Variants in UST observed in about 807,000 individuals in gnomAD.
UST encodes uronyl 2-sulfotransferase.
Under a neutral mutation model 45.6 loss-of-function variants are expected in UST, and 21 were observed. The observed-to-expected ratio is 0.46, with a 90% CI of 0.33 to 0.66. The LOEUF is 0.66. Ranked by LOEUF, UST falls within the 30% of genes least tolerant of loss-of-function variation. The pLI, the probability that UST is intolerant of heterozygous loss-of-function variation, is 0.02. For missense variants in UST, 463 were observed against 512.4 expected, an observed-to-expected ratio of 0.90 and a Z score of 0.93; for synonymous variants, 215 against 200.6, an observed-to-expected ratio of 1.07 and a Z score of -0.61.
chr6:148,901,159 G>A (rs1008964803), intron 2 of UST, among the ~76,000 whole-genome samples: 9 of 152,192 alleles, frequency 5.9e-5, no homozygotes, highest in Non-Finnish European at 1.0e-4. Flanking sequence ...CCATCATTCT[G>A]CCTTCTTTCC....
At chr6:148,806,104 A>G (rs1044305499) in intron 1 of UST, among the ~76,000 whole-genome samples, 1 of 151,680 alleles carries the variant, frequency 6.6e-6, no homozygotes, top group African/African-American at 2.4e-5. Context: ...TTGTCCATGC[A>G]TATAGTATAA....
Position 149,073,984 on chromosome 6 carries a change from A to T in UST, c.1089A>T (p.Gly363=). The T allele has an allele frequency of 6.2e-7, 1 of 1,614,206 alleles. No individual in the cohort carries two copies. The highest frequency in any genetic ancestry group is 8.5e-7 in the Non-Finnish European group (1 of 1,180,032). ...EQFHLLKRKF[G]LKSHVSKPPL... Reference sequence around the variant, plus strand: ...TCCACCTGCTGAAGCGCAAGTTTGGACTTAAGTCTCACGTCAGCAAGCCCC... The same window carrying T: ...TCCACCTGCTGAAGCGCAAGTTTGGTCTTAAGTCTCACGTCAGCAAGCCCC... Residue 363 remains glycine, a synonymous_variant, in exon 8 of 8, where the codon GGA becomes GGT. Transcript: ENST00000367463.
intron 7 of UST, among the ~76,000 whole-genome samples, chr6:149,061,766 A>G (rs1776658707): frequency 6.6e-6 from 1 of 152,238 alleles, no homozygotes; most frequent in Non-Finnish European, 1.5e-5. Flanking sequence ...TTCTTCCACC[A>G]GGAAGTGTTC....
At chr6:148,989,870 A>G (rs749035597) in intron 5 of UST, among the ~76,000 whole-genome samples, 4 of 152,228 alleles carry the variant, frequency 2.6e-5, no homozygotes, top group Non-Finnish European at 5.9e-5. Flanking sequence ...AGTTTTTTGG[A>G]TAATCAAATG....
chr6:148,809,702 T>C (rs949025693), intron 1 of UST, among the ~76,000 whole-genome samples: 2 of 152,206 alleles, frequency 1.3e-5, no homozygotes, highest in Non-Finnish European at 2.9e-5. Context: ...AGCTTCTCTG[T>C]CTTTTGAATA....
chr6:148,969,892 T>C (rs1780880166), intron 5 of UST, among the ~76,000 whole-genome samples: 1 of 152,188 alleles, frequency 6.6e-6, no homozygotes, highest in Non-Finnish European at 1.5e-5. Flanking sequence ...GGCATACATT[T>C]GTCTTGTGTT....
chr6:149,003,516 A>G (rs1781591888), intron 5 of UST, among the ~76,000 whole-genome samples: 1 of 152,136 alleles, frequency 6.6e-6, no homozygotes, highest in Non-Finnish European at 1.5e-5. Flanking sequence ...CTGCTGAAAG[A>G]CATTCTTTGT....
chr6:148,768,465 G>A (rs7454015), intron 1 of UST, among the ~76,000 whole-genome samples: 49,940 of 151,736 alleles, frequency 0.33, 8,567 homozygotes, highest in African/African-American at 0.42. Flanking sequence ...TATTTTTCCT[G>A]TGCATTAATT....
At chr6:148,842,236 T>G (rs1777904997) in intron 1 of UST, among the ~76,000 whole-genome samples, 2 of 152,196 alleles carry the variant, frequency 1.3e-5, no homozygotes, top group South Asian at 4.1e-4. Flanking sequence ...AAATTTGTCT[T>G]AATTACTTTC....
chr6:148,764,497 CAG>C (rs1776280988), intron 1 of UST, among the ~76,000 whole-genome samples: 1 of 152,054 alleles, frequency 6.6e-6, no homozygotes, highest in African/African-American at 2.4e-5. Flanking sequence ...CTCTTGCTAT[CAG>C]GGGAACCCAC....
intron 1 of UST, among the ~76,000 whole-genome samples, chr6:148,872,503 G>A (rs952169421): frequency 6.3e-5 from 9 of 141,988 alleles, no homozygotes; most frequent in Non-Finnish European, 1.2e-4. Context: ...TCTTCAGAGA[G>A]TCACCACTTA....
At chr6:149,010,901 A>AG (rs1775796683) in intron 5 of UST, among the ~76,000 whole-genome samples, 1 of 147,000 alleles carries the variant, frequency 6.8e-6, no homozygotes, top group African/African-American at 2.5e-5. Flanking sequence ...CAACCAAAAA[A>AG]AAAAAAAAAA....
chr6:149,039,518 T>C (rs148405814), intron 7 of UST, among the ~76,000 whole-genome samples: 1 of 152,262 alleles, frequency 6.6e-6, no homozygotes, highest in East Asian at 1.9e-4. Flanking sequence ...GTATTTCTAA[T>C]AGTCACAGCG....
intron 1 of UST, among the ~76,000 whole-genome samples, chr6:148,879,952 C>CTTTTTTTTTTTTTTTTTTTTTTTTTT (rs766758383): frequency 8.3e-6 from 1 of 119,856 alleles, no homozygotes; most frequent in East Asian, 2.1e-4. Flanking sequence ...TTTTTTTTTT[C>CTTTTTTTTTTTTTTTTTTTTTTTTTT]TTTTTTTTTT....
chr6:149,002,776 G>A (rs147734796), intron 5 of UST, among the ~76,000 whole-genome samples: 3,180 of 152,212 alleles, frequency 0.021, 94 homozygotes, highest in African/African-American at 0.063. Context: ...CAAAGTGCTG[G>A]GATTACAGGC....
chr6:148,848,256 C>T (rs954118462), intron 1 of UST, among the ~76,000 whole-genome samples: 1 of 152,178 alleles, frequency 6.6e-6, no homozygotes, highest in African/African-American at 2.4e-5. Flanking sequence ...AGGAAGACAG[C>T]AGAGTCTTGT....
At chr6:149,054,132 A>G (rs2115037922) in intron 7 of UST, among the ~76,000 whole-genome samples, 1 of 152,310 alleles carries the variant, frequency 6.6e-6, no homozygotes, top group African/African-American at 2.4e-5. Context: ...AAGGAGGGAA[A>G]GAAAAGTACT....
chr6:148,826,288 C>G (rs964650253), intron 1 of UST, among the ~76,000 whole-genome samples: 16 of 152,028 alleles, frequency 1.1e-4, no homozygotes, highest in Admixed American at 8.5e-4. Context: ...AATTTTTGTA[C>G]TTTTAGTAGA....
intron 5 of UST, among the ~76,000 whole-genome samples, chr6:149,017,319 G>A (rs890688169): frequency 1.4e-4 from 22 of 151,912 alleles, no homozygotes; most frequent in Admixed American, 1.0e-3. Flanking sequence ...GGAGCTTCCA[G>A]TGAGCCGAGA....
Sources: allele counts gnomAD v4.1 joint callset (sites outside exome capture counted in the v4.1 genomes callset), GRCh38; gene constraint gnomAD v4.1.1; transcripts MANE v1.5; gene names NCBI Gene and HGNC (gene_info 2026-07-23, HGNC 2026-07-21).